The following DENND1A variants were observed in gnomAD, a reference collection of about 807,000 sequenced individuals.
DENND1A encodes DENN domain-containing protein 1A.
In DENND1A, 51 loss-of-function variants were observed where a neutral mutation model predicts 113.7. That is an observed-to-expected ratio of 0.45 (90% CI 0.36 to 0.57). DENND1A has a LOEUF of 0.57. Among genes scored for constraint, DENND1A ranks in the 20% least tolerant of loss-of-function variants. DENND1A has a pLI of 0.00. For missense variants in DENND1A, 1,258 were observed against 1,395.9 expected (o/e 0.90, Z 1.57); for synonymous variants, 565 against 570.8 (o/e 0.99, Z 0.14).
chr9:123,929,873 G>A lies in DENND1A; in HGVS notation c.17+16C>T. The stretch of plus-strand genomic sequence containing the variant: ...CCCGCGCCCGGCCCGGCTCCGCCCG[G>A]CCCGGCCGCACTCACTTGATCCTGG... On this transcript the variant is annotated intron_variant, in intron 1 of 23. Transcript: ENST00000394215. 2 of 290,560 alleles carry A rather than the reference G, an allele frequency of 6.9e-6. No individual in the cohort carries two copies. Among genetic ancestry groups the A allele is most frequent in the South Asian group, 6.2e-5 (1 of 16,158 alleles). The allele number at this position is 290,560 out of a possible 1,614,324, so 18.0% of individuals were successfully genotyped here.
At chr9:123,406,887 C>T (rs571960903) in intron 20 of DENND1A, among the ~76,000 whole-genome samples, 145 of 152,316 alleles carry the variant, frequency 9.5e-4, no homozygotes, top group Admixed American at 9.3e-3. Flanking sequence ...TCAGCTCATC[C>T]TTGCACAGGG....
chr9:123,457,884 G>C lies in DENND1A; in HGVS notation c.1007C>G (p.Thr336Ser). ...GGACACGAAGGCTTCCTCACAGAAAGTGATCGGCTCCTCCTGGGAAGTGCA... is the reference window on the plus strand; with the variant it reads ...GGACACGAAGGCTTCCTCACAGAAACTGATCGGCTCCTCCTGGGAAGTGCA... ...ALKIEPEEPI[T>S]FCEEAFVSHY... Residue 336 changes from threonine (T) to serine (S), a missense_variant, in exon 14 of 24, where the codon ACT (threonine) becomes AGT (serine). Thr to Ser is a moderately conservative substitution (Grantham distance 58). Transcript: ENST00000394215. 6.2e-7 allele frequency: 1 copy of C among 1,611,338 alleles called. No individual in the cohort carries two copies. The highest frequency in any genetic ancestry group is 8.5e-7 in the Non-Finnish European group (1 of 1,178,798).
chr9:123,393,297 T>C (rs1203755467), intron 21 of DENND1A, among the ~76,000 whole-genome samples: 1 of 152,130 alleles, frequency 6.6e-6, no homozygotes, highest in East Asian at 1.9e-4. Context: ...TTCCTAGGTG[T>C]TCAAGGATGA....
rs1038678610 is a variant in DENND1A at position 123,919,904 on chromosome 9, G to A, written c.17+9985C>T. 2.8e-4 allele frequency among the ~76,000 whole-genome samples: 37 copies of A among 134,232 alleles called. 1 individual carries two copies. The highest frequency in any genetic ancestry group is 8.3e-4 in the African/African-American group (27 of 32,484). 88.1% of individuals were successfully genotyped at this position (134,232 alleles called of 152,430 possible). On this transcript the variant is annotated intron_variant, in intron 1 of 23. Transcript: ENST00000394215. ...CTCAGAAAAAAAAAAAAAAAAAAAAGGATGATATGACAACATCTGGGATTT... is the reference window on the plus strand; with the variant it reads ...CTCAGAAAAAAAAAAAAAAAAAAAAAGATGATATGACAACATCTGGGATTT...
intron 20 of DENND1A, chr9:123,403,718 G>C: frequency 1.8e-6 from 1 of 555,988 alleles, no homozygotes; most frequent in South Asian, 2.1e-5. Context: ...GGTGCTCCTG[G>C]AAAGCTCGGT....
intron 21 of DENND1A, among the ~76,000 whole-genome samples, chr9:123,389,887 C>T (rs72755160): frequency 0.071 from 10,791 of 152,216 alleles, 526 homozygotes; most frequent in Non-Finnish European, 0.11. Flanking sequence ...GCGGCCGTGC[C>T]GAGCTCCGAG....
chr9:123,673,521 A>G (rs184551054), intron 6 of DENND1A, among the ~76,000 whole-genome samples: 30 of 152,324 alleles, frequency 2.0e-4, no homozygotes, highest in Non-Finnish European at 4.4e-5. Context: ...CCCCAGAATC[A>G]GGTTATTTCT....
At chr9:123,495,161 CTCTCTCTCTT>C (rs1348611373) in intron 13 of DENND1A, among the ~76,000 whole-genome samples, 2 of 151,458 alleles carry the variant, frequency 1.3e-5, no homozygotes, top group Non-Finnish European at 2.9e-5. Flanking sequence ...CTCTCTCTCT[CTCTCTCTCTT>C]ATAATGTCTG....
At chr9:123,758,414 C>T (rs2070756989) in intron 4 of DENND1A, among the ~76,000 whole-genome samples, 1 of 152,184 alleles carries the variant, frequency 6.6e-6, no homozygotes, top group Admixed American at 6.5e-5. Context: ...AGGATGTTCC[C>T]ATTTTACAGA....
intron 13 of DENND1A, among the ~76,000 whole-genome samples, chr9:123,468,637 A>G (rs562666017): frequency 1.3e-5 from 2 of 152,204 alleles, no homozygotes; most frequent in Non-Finnish European, 2.9e-5. Flanking sequence ...TTCTTCTTAC[A>G]GGGTCAGCTG....
intron 13 of DENND1A, among the ~76,000 whole-genome samples, chr9:123,467,061 A>C (rs1033511387): frequency 2.0e-5 from 3 of 151,982 alleles, no homozygotes; most frequent in Admixed American, 6.6e-5. Context: ...AAAAAAACCC[A>C]AAAAAACAAA....
intron 21 of DENND1A, 69 bp downstream of exon 21, chr9:123,403,333 G>T: frequency 6.5e-7 from 1 of 1,541,410 alleles, no homozygotes; most frequent in Non-Finnish European, 8.9e-7. Flanking sequence ...TACACGCTTG[G>T]GCTTCGCAAA....
Position 123,607,437 on chromosome 9 carries a change from T to C in DENND1A, c.765+1999A>G, listed in dbSNP as rs181015017. On this transcript the variant is annotated intron_variant, in intron 11 of 23. Coordinates refer to ENST00000394215, the MANE Select transcript of DENND1A (RefSeq NM_001352964.2). ...TGCCATTCACAGGGACCAGGAACAG[T>C]GGAAGGGGAGTGGAGTGGCTTAGAG... Among the ~76,000 whole-genome samples the C allele has an allele frequency of 7.0e-3, 927 of 132,014 alleles. 3 individuals are homozygous for C. The highest frequency in any genetic ancestry group is 0.014 in the Middle Eastern group (3 of 208). 86.6% of individuals were successfully genotyped at this position (132,014 alleles called of 152,430 possible). A position where few individuals can be genotyped will look rare whatever the true frequency, so the allele number is the denominator to read the frequency against.
intron 13 of DENND1A, chr9:123,485,617 A>C (rs935382348): frequency 6.7e-6 from 1 of 148,370 alleles, no homozygotes; most frequent in African/African-American, 2.5e-5. Context: ...ACCAGGGGAC[A>C]CCGTGTGTGT....
intron 20 of DENND1A, chr9:123,411,273 T>C (rs16926471): frequency 0.17 from 25,344 of 152,076 alleles, 2,252 homozygotes; most frequent in African/African-American, 0.22. Flanking sequence ...GCACTTAACA[T>C]GGGAAAGTGG....
At chr9:123,929,370 G>A (rs899097871) in intron 1 of DENND1A, among the ~76,000 whole-genome samples, 1 of 152,212 alleles carries the variant, frequency 6.6e-6, no homozygotes, top group African/African-American at 2.4e-5. Context: ...GGGAAATAGA[G>A]AGACAGGCCT....
chr9:123,680,888 A>G (rs1440495512), intron 5 of DENND1A, among the ~76,000 whole-genome samples: 2 of 152,280 alleles, frequency 1.3e-5, no homozygotes, highest in East Asian at 3.9e-4. Context: ...GAGGCTGACC[A>G]AGTCGAGGAA....
Position 123,381,045 on chromosome 9 carries a change from A to G in DENND1A, c.*387T>C, listed in dbSNP as rs1430954718. ...CGTGCAGGGCCTGGCTGTGGAGGAGACAGGAGAGCTGGGCTCGGAGGGGAG... is the reference window on the plus strand; with the variant it reads ...CGTGCAGGGCCTGGCTGTGGAGGAGGCAGGAGAGCTGGGCTCGGAGGGGAG... On this transcript the variant is annotated 3_prime_UTR_variant, in exon 24 of 24. Transcript: ENST00000394215. The surrounding 1 kb of genome is among the most constrained non-coding windows in gnomAD (Gnocchi z 4.7). The G allele has an allele frequency of 9.0e-6, 2 of 222,338 alleles. No homozygotes were observed. Among genetic ancestry groups the G allele is most frequent in the Non-Finnish European group, 1.8e-5 (2 of 111,966 alleles). The allele number at this position is 222,338 out of a possible 1,614,324, so 13.8% of individuals were successfully genotyped here.
At chr9:123,797,140 T>C (rs1833907680) in intron 2 of DENND1A, among the ~76,000 whole-genome samples, 2 of 152,200 alleles carry the variant, frequency 1.3e-5, no homozygotes, top group South Asian at 2.1e-4. Flanking sequence ...ATTGAACATA[T>C]TTAAAGCTTA....
Sources: gnomAD v4.1 joint callset for allele counts (sites outside exome capture counted in the v4.1 genomes callset) on GRCh38, gnomAD v4.1.1 for gene constraint, Gnocchi (gnomAD v3.1) non-coding constraint, MANE v1.5 for transcripts, NCBI Gene and HGNC (gene_info 2026-07-23, HGNC 2026-07-21) for gene names.